NCMAP: variants seen among roughly 807,000 people sequenced by gnomAD.
NCMAP encodes the protein non-compact myelin associated protein.
In NCMAP, 8 loss-of-function variants were observed where a neutral mutation model predicts 7.8. The observed-to-expected ratio is 1.02, with a 90% CI of 0.60 to 1.84. NCMAP has a LOEUF of 1.84. NCMAP is among the 40% of genes most tolerant of loss of function. The pLI, the probability that NCMAP is intolerant of heterozygous loss-of-function variation, is 0.00. For missense variants in NCMAP, 112 were observed against 131.4 expected (o/e 0.85, Z 0.72); for synonymous variants, 41 against 52.9 (o/e 0.78, Z 0.98).
At chr1:24,599,769 G>C (rs1022656846) in intron 2 of NCMAP, among the ~76,000 whole-genome samples, 1 of 136,578 alleles carries the variant, frequency 7.3e-6, no homozygotes, top group Admixed American at 9.0e-5. Flanking sequence ...GTAGAGACAG[G>C]GTTTCCCCAT....
At chr1:24,567,800 C>T (rs1651270238) in intron 1 of NCMAP, among the ~76,000 whole-genome samples, 1 of 152,086 alleles carries the variant, frequency 6.6e-6, no homozygotes, top group African/African-American at 2.4e-5. Flanking sequence ...GGGGACAAAC[C>T]TTGGGAAAAC....
chr1:24,577,133 C>T lies in NCMAP; in HGVS notation c.-7-18291C>T, dbSNP rs189876732. Among the ~76,000 whole-genome samples the T allele has an allele frequency of 2.4e-3, 366 of 151,186 alleles. 5 individuals are homozygous for T. The highest frequency in any genetic ancestry group is 7.8e-3 in the African/African-American group (323 of 41,172). ...AGGCCTGGGCGACAGAGTGAGACTC[C>T]GTCTCAAAAAAAATAAAAATAAAAA... is the stretch of plus-strand genomic sequence containing the variant. On this transcript the variant is annotated intron_variant, in intron 1 of 3. Coordinates refer to ENST00000374392, the MANE Select transcript of NCMAP (RefSeq NM_001010980.5).
intron 1 of NCMAP, among the ~76,000 whole-genome samples, chr1:24,565,659 C>T (rs775688270): frequency 1.7e-4 from 25 of 150,396 alleles, no homozygotes; most frequent in Non-Finnish European, 3.5e-4. Flanking sequence ...AGTGCAGTGG[C>T]GTGATCATGG....
At chr1:24,587,278 C>A (rs1473456220) in intron 1 of NCMAP, among the ~76,000 whole-genome samples, 1 of 152,092 alleles carries the variant, frequency 6.6e-6, no homozygotes, top group Non-Finnish European at 1.5e-5. Context: ...GAATATTTAC[C>A]CCAGAGAAGA....
rs78594011 is a variant in NCMAP, at chr1:24,573,952, C to CAAAAAAAAAAAAAAAAAAAAAAAAAAA, written c.-8+17802_-8+17803insAAAAAAAAAAAAAAAAAAAAAAAAAAA. Among the ~76,000 whole-genome samples the CAAAAAAAAAAAAAAAAAAAAAAAAAAA allele has an allele frequency of 4.4e-4, 37 of 84,436 alleles. 2 individuals are homozygous for CAAAAAAAAAAAAAAAAAAAAAAAAAAA. Among genetic ancestry groups the CAAAAAAAAAAAAAAAAAAAAAAAAAAA allele is most frequent in the South Asian group, 8.3e-4 (2 of 2,412 alleles). The allele number at this position is 84,436 out of a possible 152,430, so 55.4% of individuals were successfully genotyped here. On this transcript the variant is annotated intron_variant, in intron 1 of 3. Coordinates refer to ENST00000374392, the MANE Select transcript of NCMAP (RefSeq NM_001010980.5). ...CACTCTGCTGGGGACCCAGAGAGGA[C>CAAAAAAAAAAAAAAAAAAAAAAAAAAA]AAAAAAAAAAAAAAAAAAACAGAAA...
At chr1:24,592,969 C>T (rs1193114860) in intron 1 of NCMAP, among the ~76,000 whole-genome samples, 8 of 151,872 alleles carry the variant, frequency 5.3e-5, no homozygotes, top group African/African-American at 1.7e-4. Flanking sequence ...CACTTGAGGT[C>T]AGGAGTTTGA....
At chr1:24,597,666 A>G (rs1557602682) in intron 2 of NCMAP, among the ~76,000 whole-genome samples, 11 of 139,584 alleles carry the variant, frequency 7.9e-5, no homozygotes, top group African/African-American at 2.5e-4. Context: ...AAAGAAAGAA[A>G]GAAAGAAAAG....
rs1452903609 is a variant in NCMAP at position 24,595,366 on chromosome 1, G to A, written c.-7-58G>A. 6 of 1,225,174 alleles carry A rather than the reference G, an allele frequency of 4.9e-6. No homozygotes were observed. The African/African-American group carries it at 6.0e-5, about 12-fold the overall frequency. The allele number at this position is 1,225,174 out of a possible 1,614,324, so 75.9% of individuals were successfully genotyped here. Reference sequence around the variant, plus strand: ...AGATAAAGACCAAAAGAGGCATCAAGTAGCAATAATAAGGATTTATCTAAT... The same window carrying A: ...AGATAAAGACCAAAAGAGGCATCAAATAGCAATAATAAGGATTTATCTAAT... On this transcript the variant is annotated intron_variant, in intron 1 of 3. Coordinates refer to ENST00000374392, the MANE Select transcript of NCMAP (RefSeq NM_001010980.5).
chr1:24,570,351 C>T (rs914361273), intron 1 of NCMAP, among the ~76,000 whole-genome samples: 2 of 150,690 alleles, frequency 1.3e-5, no homozygotes, highest in African/African-American at 2.5e-5. Flanking sequence ...ATAGATTAGT[C>T]GAGTGCAGTG....
chr1:24,577,416 T>TGG (rs1557596564), intron 1 of NCMAP, among the ~76,000 whole-genome samples: 1 of 146,186 alleles, frequency 6.8e-6, no homozygotes, highest in African/African-American at 2.5e-5. Context: ...TTTTTTTTTT[T>TGG]TTTTTTTTTT....
intron 1 of NCMAP, among the ~76,000 whole-genome samples, chr1:24,589,306 G>T (rs1651977961): frequency 6.6e-6 from 1 of 151,698 alleles, no homozygotes; most frequent in Non-Finnish European, 1.5e-5. Flanking sequence ...ATACTGAAGT[G>T]CTCCTGCTGG....
intron 1 of NCMAP, among the ~76,000 whole-genome samples, chr1:24,569,189 T>TC (rs990215216): frequency 3.9e-5 from 6 of 152,118 alleles, no homozygotes; most frequent in African/African-American, 1.4e-4. Flanking sequence ...AGACGGGGTT[T>TC]CACCATGTTG....
chr1:24,594,444 C>T (rs1652151395), intron 1 of NCMAP, among the ~76,000 whole-genome samples: 1 of 152,136 alleles, frequency 6.6e-6, no homozygotes, highest in Non-Finnish European at 1.5e-5. Flanking sequence ...ACCTTGAGTC[C>T]CAGCTTGCTC....
chr1:24,560,029 C>T (rs962847159), intron 1 of NCMAP, among the ~76,000 whole-genome samples: 5 of 152,000 alleles, frequency 3.3e-5, no homozygotes, highest in Admixed American at 6.6e-5. Context: ...GGCGTGGTGG[C>T]GGGCGCCTGT....
At chr1:24,559,182 C>T (rs1464410366) in intron 1 of NCMAP, among the ~76,000 whole-genome samples, 1 of 152,210 alleles carries the variant, frequency 6.6e-6, no homozygotes, top group Non-Finnish European at 1.5e-5. Context: ...CCGGAAGCAG[C>T]GGCCGGTTTG....
At chr1:24,596,959 C>T (rs1311747561) in intron 2 of NCMAP, among the ~76,000 whole-genome samples, 1 of 152,156 alleles carries the variant, frequency 6.6e-6, no homozygotes, top group Non-Finnish European at 1.5e-5. Flanking sequence ...GACTTCCCTA[C>T]ACACAGGGAT....
At chr1:24,569,935 C>T (rs1326824708) in intron 1 of NCMAP, among the ~76,000 whole-genome samples, 1 of 150,260 alleles carries the variant, frequency 6.7e-6, no homozygotes, top group East Asian at 1.9e-4. Context: ...CCTTGGGCCT[C>T]AGTTTCCTCA....
At chr1:24,581,741 GCAGA>G (rs768326280) in intron 1 of NCMAP, among the ~76,000 whole-genome samples, 14 of 152,334 alleles carry the variant, frequency 9.2e-5, no homozygotes, top group Non-Finnish European at 2.1e-4. Context: ...GGGGCCTAAA[GCAGA>G]CAGTCTACTT....
In NCMAP at chr1:24,564,513, C is replaced by CAAAAAAAAAAA. The variant is rs1184189345; in HGVS notation, c.-8+8353_-8+8363dup. ...TGGGCAACAGAGTGAGATTCTGTCT[C>CAAAAAAAAAAA]AAAAAAAAAAAAAAAAAAACAAAAA... On this transcript the variant is annotated intron_variant, in intron 1 of 3. Transcript: ENST00000374392. 2.2e-4 allele frequency among the ~76,000 whole-genome samples: 11 copies of CAAAAAAAAAAA among 50,000 alleles called. 1 individual carries two copies. The highest frequency in any genetic ancestry group is 5.3e-4 in the East Asian group (1 of 1,890). 32.8% of individuals were successfully genotyped at this position (50,000 alleles called of 152,430 possible). A position where few individuals can be genotyped will look rare whatever the true frequency, so the allele number is the denominator to read the frequency against.
Sources: gnomAD v4.1 joint callset for allele counts (sites outside exome capture counted in the v4.1 genomes callset) on GRCh38, gnomAD v4.1.1 for gene constraint, MANE v1.5 for transcripts, NCBI Gene and HGNC (gene_info 2026-07-23, HGNC 2026-07-21) for gene names.